The following SNX24 variants were observed in gnomAD, a reference collection of about 807,000 sequenced individuals.
SNX24 encodes sorting nexin 24.
SNX24 carries 22 observed loss-of-function variants against 28.7 expected under a neutral mutation model. That is an observed-to-expected ratio of 0.77 (90% CI 0.55 to 1.10). The LOEUF (loss-of-function observed/expected upper bound fraction) is 1.10, where lower values mean the gene tolerates loss of function less well. Among genes scored for constraint, SNX24 ranks in the 50% least tolerant of loss-of-function variants. The pLI, the probability that SNX24 is intolerant of heterozygous loss-of-function variation, is 0.00. For synonymous variants in SNX24, 69 were observed against 71.5 expected, an observed-to-expected ratio of 0.96 and a Z score of 0.18; for missense variants, 221 against 201.1, an observed-to-expected ratio of 1.10 and a Z score of -0.60.
intron 1 of SNX24, among the ~76,000 whole-genome samples, chr5:122,910,653 G>A (rs1356478844): frequency 2.5e-5 from 3 of 121,420 alleles, no homozygotes; most frequent in African/African-American, 9.8e-5. Context: ...AGAGTGTGAT[G>A]TTCCCCTTCC....
chr5:123,004,704 G>A (rs1257524380), intron 6 of SNX24, among the ~76,000 whole-genome samples: 1 of 152,058 alleles, frequency 6.6e-6, no homozygotes, highest in African/African-American at 2.4e-5. Context: ...CATACACTTT[G>A]CCCTAGCCAC....
chr5:122,981,864 C>T (rs1358372250), intron 3 of SNX24, among the ~76,000 whole-genome samples: 2 of 152,164 alleles, frequency 1.3e-5, no homozygotes, highest in Non-Finnish European at 2.9e-5. Flanking sequence ...TTTGACTCTA[C>T]TCACTCATCC....
At chr5:122,886,170 A>G (rs114700465) in intron 1 of SNX24, among the ~76,000 whole-genome samples, 1 of 152,224 alleles carries the variant, frequency 6.6e-6, no homozygotes, top group Non-Finnish European at 1.5e-5. Context: ...GACACTTCAG[A>G]CATGAATTAA....
At chr5:122,985,311 G>C (rs979650721) in intron 3 of SNX24, among the ~76,000 whole-genome samples, 2 of 152,162 alleles carry the variant, frequency 1.3e-5, no homozygotes, top group Non-Finnish European at 2.9e-5. Flanking sequence ...ACCATTGAAG[G>C]ACCAGAAGGT....
chr5:122,960,240 T>C (rs1342537165), intron 3 of SNX24, among the ~76,000 whole-genome samples: 1 of 152,180 alleles, frequency 6.6e-6, no homozygotes, highest in Non-Finnish European at 1.5e-5. Context: ...CTGAGACAAA[T>C]GGTCATTAAG....
At chr5:122,984,878 C>T (rs1026131047) in intron 3 of SNX24, among the ~76,000 whole-genome samples, 2 of 152,052 alleles carry the variant, frequency 1.3e-5, no homozygotes, top group Non-Finnish European at 2.9e-5. Flanking sequence ...TTTTAGCCTG[C>T]TTTTTTCCTT....
At chr5:122,874,860 A>G (rs1304647798) in intron 1 of SNX24, among the ~76,000 whole-genome samples, 1 of 152,216 alleles carries the variant, frequency 6.6e-6, no homozygotes, top group Non-Finnish European at 1.5e-5. Context: ...GATAATGGTA[A>G]CTGCTTCATA....
chr5:122,913,431 C>T (rs1380383675), intron 1 of SNX24, among the ~76,000 whole-genome samples: 9 of 150,072 alleles, frequency 6.0e-5, no homozygotes, highest in African/African-American at 1.5e-4. Flanking sequence ...GGCGGCTGGC[C>T]GGGCGGGGGG....
At chr5:122,995,777 A>G (rs1301884046) in intron 3 of SNX24, among the ~76,000 whole-genome samples, 1 of 152,202 alleles carries the variant, frequency 6.6e-6, no homozygotes, top group Non-Finnish European at 1.5e-5. Context: ...ATGTGTGCCA[A>G]CTTGCATCCA....
At chr5:122,944,962 C>A (rs759874763) in intron 2 of SNX24, among the ~76,000 whole-genome samples, 4 of 151,964 alleles carry the variant, frequency 2.6e-5, no homozygotes, top group Non-Finnish European at 4.4e-5. Context: ...CATTAGTTTC[C>A]TATTGCTGCT....
At chr5:122,912,757 A>C (rs1161554843) in intron 1 of SNX24, among the ~76,000 whole-genome samples, 1 of 132,460 alleles carries the variant, frequency 7.5e-6, no homozygotes, top group South Asian at 2.4e-4. Flanking sequence ...TTTTTAATTG[A>C]TCATTCTTGG....
chr5:122,928,338 C>G (rs373558025), intron 1 of SNX24, among the ~76,000 whole-genome samples: 1 of 152,112 alleles, frequency 6.6e-6, no homozygotes, highest in East Asian at 1.9e-4. Flanking sequence ...ACCATAATCC[C>G]CAGAACCTCT....
chr5:122,954,612 T>G (rs1369710165), intron 3 of SNX24, among the ~76,000 whole-genome samples: 1 of 152,092 alleles, frequency 6.6e-6, no homozygotes, highest in East Asian at 1.9e-4. Flanking sequence ...ACAAGGGCCT[T>G]ACAATATTTT....
intron 3 of SNX24, among the ~76,000 whole-genome samples, chr5:122,953,527 G>A (rs74531128): frequency 3.4e-5 from 5 of 148,804 alleles, no homozygotes; most frequent in Non-Finnish European, 3.0e-5. Flanking sequence ...TAATCTTCCA[G>A]AAAAAAAAAA....
intron 3 of SNX24, among the ~76,000 whole-genome samples, chr5:122,997,965 A>T (rs1160099560): frequency 3.3e-5 from 5 of 152,170 alleles, no homozygotes; most frequent in Admixed American, 6.5e-5. Flanking sequence ...AACATGTGTC[A>T]TAGCCAAAAT....
chr5:122,957,189 T>C (rs750970666), intron 3 of SNX24, among the ~76,000 whole-genome samples: 4 of 152,210 alleles, frequency 2.6e-5, no homozygotes, highest in Admixed American at 1.3e-4. Context: ...AGTTAATTTT[T>C]GCATATGATG....
chr5:122,905,810 A>G (rs1357573483), intron 1 of SNX24, among the ~76,000 whole-genome samples: 1 of 152,158 alleles, frequency 6.6e-6, no homozygotes, highest in Non-Finnish European at 1.5e-5. Flanking sequence ...TGGGAACTCA[A>G]ATTTAAATGA....
intron 3 of SNX24, chr5:122,965,507 G>C (rs533314778): frequency 2.2e-6 from 1 of 454,180 alleles, no homozygotes; most frequent in South Asian, 1.6e-5. Flanking sequence ...TTGGAGAAAA[G>C]ATAATTGTGT....
At chr5:122,939,933 GT>G (rs1490610667) in intron 2 of SNX24, among the ~76,000 whole-genome samples, 1 of 151,820 alleles carries the variant, frequency 6.6e-6, no homozygotes, top group African/African-American at 2.4e-5. Context: ...CTACTTTTCT[GT>G]TACCTTGCAT....
Sources: allele counts gnomAD v4.1 joint callset (sites outside exome capture counted in the v4.1 genomes callset), GRCh38; gene constraint gnomAD v4.1.1; transcripts MANE v1.5; gene names NCBI Gene and HGNC (gene_info 2026-07-23, HGNC 2026-07-21).